Variants in GNAQ observed in about 807,000 individuals in gnomAD.
GNAQ encodes the protein guanine nucleotide-binding protein G(q) subunit alpha.
Under a neutral mutation model 43.9 loss-of-function variants are expected in GNAQ, and 8 were observed. That is an observed-to-expected ratio of 0.18 (90% CI 0.11 to 0.33). The LOEUF is 0.33. GNAQ is among the 10% of genes least tolerant of loss of function. The pLI, the probability that GNAQ is intolerant of heterozygous loss-of-function variation, is 1.00. For synonymous variants in GNAQ, 155 were observed against 170.7 expected (o/e 0.91, Z 0.71); for missense variants, 158 against 450.8 (o/e 0.35, Z 5.88).
chr9:77,860,429 C>T (rs1827829221), intron 2 of GNAQ, among the ~76,000 whole-genome samples: 2 of 152,122 alleles, frequency 1.3e-5, no homozygotes, highest in Non-Finnish European at 2.9e-5. Context: ...TATTCTGTTG[C>T]TATAAAGACT....
At chr9:77,957,251 G>A (rs1157837047) in intron 1 of GNAQ, among the ~76,000 whole-genome samples, 2 of 152,010 alleles carry the variant, frequency 1.3e-5, no homozygotes, top group Non-Finnish European at 2.9e-5. Context: ...AGCTACTCAG[G>A]AGGCTGAGAC....
At chr9:77,751,594 G>A (rs1825811838) in intron 5 of GNAQ, among the ~76,000 whole-genome samples, 2 of 152,172 alleles carry the variant, frequency 1.3e-5, no homozygotes, top group Admixed American at 1.3e-4. Context: ...GCTGGGGATG[G>A]ACAGAGACGT....
chr9:78,001,257 C>T (rs780984962), intron 1 of GNAQ, among the ~76,000 whole-genome samples: 2 of 151,936 alleles, frequency 1.3e-5, no homozygotes, highest in African/African-American at 2.4e-5. Flanking sequence ...AAAAAATTGC[C>T]AGGCTTGGTA....
At position 78,023,176 on chromosome 9, in the gene GNAQ, T is replaced by C. The variant is rs538114070; in HGVS notation, c.136+7924A>G. ...GCCCTCTGGAAAAGGAAGGAGGATT[T>C]TACATTGTGTTCAGTAACAATTTAT... On this transcript the variant is annotated intron_variant, in intron 1 of 6. Coordinates refer to ENST00000286548, the MANE Select transcript of GNAQ (RefSeq NM_002072.5). Among the ~76,000 whole-genome samples the C allele has an allele frequency of 6.6e-5, 10 of 152,320 alleles. No homozygotes were observed. The South Asian group carries it at 2.1e-3, about 32-fold the overall frequency.
intron 1 of GNAQ, among the ~76,000 whole-genome samples, chr9:77,948,853 C>T (rs1048650531): frequency 3.3e-5 from 5 of 152,142 alleles, no homozygotes; most frequent in African/African-American, 9.7e-5. Flanking sequence ...CCAACAGCTC[C>T]GTGTGAAGCA....
chr9:77,762,217 G>A (rs1271747108), intron 5 of GNAQ, among the ~76,000 whole-genome samples: 1 of 139,050 alleles, frequency 7.2e-6, no homozygotes, highest in Non-Finnish European at 1.6e-5. Context: ...GAGCCCCTCT[G>A]CCCGGCCAGC....
At chr9:78,002,440 T>C (rs910559712) in intron 1 of GNAQ, among the ~76,000 whole-genome samples, 6 of 152,124 alleles carry the variant, frequency 3.9e-5, no homozygotes, top group African/African-American at 4.8e-5. Flanking sequence ...TGGTTGCTAG[T>C]TTTACTAGCA....
chr9:77,880,565 T>G (rs12005067), intron 2 of GNAQ, among the ~76,000 whole-genome samples: 2 of 149,900 alleles, frequency 1.3e-5, no homozygotes, highest in African/African-American at 2.5e-5. Context: ...GTTTTTTTTT[T>G]TTTGTTTTTT....
At chr9:77,825,975 G>A (rs1827189693) in intron 2 of GNAQ, among the ~76,000 whole-genome samples, 1 of 151,952 alleles carries the variant, frequency 6.6e-6, no homozygotes, top group Admixed American at 6.6e-5. Context: ...AAAATTAAGA[G>A]CTTTAGCATT....
chr9:77,826,513 T>C (rs542817106), intron 2 of GNAQ, among the ~76,000 whole-genome samples: 17 of 152,276 alleles, frequency 1.1e-4, no homozygotes, highest in Admixed American at 9.1e-4. Context: ...TGTTATGAGT[T>C]CCAACACACA....
At chr9:77,780,903 C>A (rs1436911900) in intron 5 of GNAQ, among the ~76,000 whole-genome samples, 2 of 147,734 alleles carry the variant, frequency 1.4e-5, no homozygotes, top group African/African-American at 5.0e-5. Context: ...GACTGTGTGT[C>A]TTCCTTTGAG....
intron 2 of GNAQ, among the ~76,000 whole-genome samples, chr9:77,891,225 TTC>T (rs1431062047): frequency 5.3e-5 from 8 of 152,204 alleles, no homozygotes; most frequent in Admixed American, 3.3e-4. Context: ...ATCTAAATTA[TTC>T]TTTTTCTTGC....
At chr9:77,955,526 T>C (rs191697324) in intron 1 of GNAQ, among the ~76,000 whole-genome samples, 1 of 152,346 alleles carries the variant, frequency 6.6e-6, no homozygotes, top group East Asian at 1.9e-4. Flanking sequence ...CATAACGCTA[T>C]ACTTTGTGTC....
chr9:77,943,442 A>G (rs567909577), intron 1 of GNAQ, among the ~76,000 whole-genome samples: 2 of 152,306 alleles, frequency 1.3e-5, no homozygotes, highest in East Asian at 3.9e-4. Context: ...TGCGATTAAA[A>G]TGTTTGACTT....
intron 5 of GNAQ, among the ~76,000 whole-genome samples, chr9:77,793,657 T>C (rs1278117380): frequency 1.3e-5 from 2 of 152,108 alleles, no homozygotes; most frequent in Admixed American, 6.6e-5. Context: ...CACTGCAATC[T>C]CTGCCTCTAA....
chr9:77,762,314 C>CG (rs1826051414), intron 5 of GNAQ, among the ~76,000 whole-genome samples: 1 of 143,354 alleles, frequency 7.0e-6, no homozygotes, highest in African/African-American at 2.6e-5. Context: ...GTCAGCCCCC[C>CG]GCCCGGCCAG....
Position 77,721,460 on chromosome 9 carries a change from C to A in GNAQ, c.943G>T (p.Asp315Tyr). The A allele has an allele frequency of 6.8e-6, 11 of 1,612,922 alleles. No individual in the cohort carries two copies. Among genetic ancestry groups the A allele is most frequent in the Non-Finnish European group, 9.3e-6 (11 of 1,179,186 alleles). ...AREFILKMFVDLNPDSDKIIY... is the reference protein window; with the variant it reads ...AREFILKMFVYLNPDSDKIIY... ...ATTTTGTCACTGTCTGGGTTCAGGT[C>A]CACGAACATCTTCAGAATGAATTCT... Residue 315 changes from aspartate (D) to tyrosine (Y), a missense_variant, in exon 7 of 7, where the codon GAC becomes TAC. Asp to Tyr is a radical substitution (Grantham distance 160, BLOSUM62 -3). Transcript: ENST00000286548.
At chr9:78,000,551 A>C (rs1404162924) in intron 1 of GNAQ, among the ~76,000 whole-genome samples, 1 of 152,208 alleles carries the variant, frequency 6.6e-6, no homozygotes, top group Admixed American at 6.5e-5. Flanking sequence ...GAGAAAAGTA[A>C]GTGGAAAATG....
intron 2 of GNAQ, among the ~76,000 whole-genome samples, chr9:77,825,868 T>A (rs1827186873): frequency 6.6e-6 from 1 of 152,154 alleles, no homozygotes. Flanking sequence ...AACCTATGCA[T>A]GGGGAAGACT....
Sources: gnomAD v4.1 joint callset for allele counts (sites outside exome capture counted in the v4.1 genomes callset) on GRCh38, gnomAD v4.1.1 for gene constraint, MANE v1.5 for transcripts, NCBI Gene and HGNC (gene_info 2026-07-23, HGNC 2026-07-21) for gene names.